The following ITPRID1 variants were observed in gnomAD, a reference collection of about 807,000 sequenced individuals.
ITPRID1 encodes protein ITPRID1.
In ITPRID1, 96 loss-of-function variants were observed where a neutral mutation model predicts 95.4. That is an observed-to-expected ratio of 1.01 (90% CI 0.85 to 1.19). The LOEUF (loss-of-function observed/expected upper bound fraction) is 1.19, where lower values mean the gene tolerates loss of function less well. Ranked by LOEUF, ITPRID1 falls within the 50% of genes most tolerant of loss-of-function variation. ITPRID1 has a pLI of 0.00. For synonymous variants in ITPRID1, 510 were observed against 453.6 expected (o/e 1.12, Z -1.58); for missense variants, 1,339 against 1,252.9 (o/e 1.07, Z -1.04).
At chr7:31,651,767 GTTTT>G (rs138035443) in intron 13 of ITPRID1, among the ~76,000 whole-genome samples, 168 bp from the exon 14 acceptor site, 3 of 147,762 alleles carry the variant, frequency 2.0e-5, no homozygotes, top group African/African-American at 7.4e-5. Flanking sequence ...CAATAAAGTT[GTTTT>G]TTTTTTTTAA....
chr7:31,657,679 CT>C (rs1002114429), downstream of ITPRID1, among the ~76,000 whole-genome samples: 7 of 151,016 alleles, frequency 4.6e-5, no homozygotes, highest in South Asian at 2.1e-4. Flanking sequence ...TCCTGTATTC[CT>C]TTTTTTTTGT....
intron 1 of ITPRID1, chr7:31,517,920 T>C (rs776753251): frequency 6.6e-6 from 1 of 152,304 alleles, no homozygotes; most frequent in Non-Finnish European, 1.5e-5. Context: ...GGGAGAAAGA[T>C]GGGTGTATGG....
chr7:31,658,584 A>T (rs1289199474), downstream of ITPRID1: 3 of 351,990 alleles, frequency 8.5e-6, no homozygotes, highest in African/African-American at 4.2e-5. Flanking sequence ...CAAATTGTTC[A>T]TGATGTGCGA....
chr7:31,640,111 G>A (rs1432214137), intron 10 of ITPRID1, among the ~76,000 whole-genome samples: 1 of 152,106 alleles, frequency 6.6e-6, no homozygotes, highest in African/African-American at 2.4e-5. Flanking sequence ...TTGCTTTTAA[G>A]GCTCATTAGG....
chr7:31,591,643 C>G (rs1363737626), intron 10 of ITPRID1, among the ~76,000 whole-genome samples: 1 of 152,106 alleles, frequency 6.6e-6, no homozygotes, highest in Non-Finnish European at 1.5e-5. Context: ...AAAGTATGAG[C>G]AAGTTTTAGT....
intron 10 of ITPRID1, among the ~76,000 whole-genome samples, chr7:31,630,260 A>AC (rs1788875353): frequency 6.6e-6 from 1 of 151,636 alleles, no homozygotes. Context: ...AAAAAAAAAA[A>AC]AACATTGAAA....
intron 1 of ITPRID1, among the ~76,000 whole-genome samples, chr7:31,541,057 C>T (rs962332094): frequency 3.3e-5 from 5 of 152,152 alleles, no homozygotes; most frequent in African/African-American, 1.2e-4. Flanking sequence ...TAAGAATACT[C>T]ACAGATAGTT....
chr7:31,521,219 T>C (rs560874210), intron 1 of ITPRID1, among the ~76,000 whole-genome samples: 2 of 152,228 alleles, frequency 1.3e-5, no homozygotes, highest in South Asian at 4.1e-4. Flanking sequence ...GCTATAACTT[T>C]CCCTCCAAAC....
chr7:31,631,430 A>G (rs1323703006), intron 10 of ITPRID1, among the ~76,000 whole-genome samples: 3 of 152,232 alleles, frequency 2.0e-5, no homozygotes, highest in Non-Finnish European at 4.4e-5. Flanking sequence ...TGCCCTAAAT[A>G]CATAGAAAGA....
rs1791176104 is a variant in ITPRID1, at chr7:31,654,140, G to A, written c.*1311G>A. On this transcript the variant is annotated 3_prime_UTR_variant, in exon 15 of 15. Coordinates refer to ENST00000615280, the MANE Select transcript of ITPRID1 (RefSeq NM_001257967.3). ...ACAGTGTGATAATGTTGCAAAGGGAGATGTGGAGTAAAACTGTACTGCATT... is the reference window on the plus strand; with the variant it reads ...ACAGTGTGATAATGTTGCAAAGGGAAATGTGGAGTAAAACTGTACTGCATT... 6.6e-6 allele frequency among the ~76,000 whole-genome samples: 1 copy of A among 152,012 alleles called. No individual in the cohort carries two copies. Among genetic ancestry groups the A allele is most frequent in the African/African-American group, 2.4e-5 (1 of 41,392 alleles).
chr7:31,591,629 C>T (rs2128154637), intron 10 of ITPRID1, among the ~76,000 whole-genome samples: 1 of 152,228 alleles, frequency 6.6e-6, no homozygotes, highest in Non-Finnish European at 1.5e-5. Flanking sequence ...GAGTGGTGTT[C>T]TTGAAAGTAT....
chr7:31,639,933 A>G (rs1418095743), intron 10 of ITPRID1, among the ~76,000 whole-genome samples: 1 of 152,168 alleles, frequency 6.6e-6, no homozygotes, highest in African/African-American at 2.4e-5. Flanking sequence ...TTTTCTCCTC[A>G]TAATGGATCA....
intron 10 of ITPRID1, among the ~76,000 whole-genome samples, chr7:31,607,727 A>C (rs1786685786): frequency 1.5e-5 from 1 of 67,578 alleles, no homozygotes; most frequent in African/African-American, 5.0e-5. Flanking sequence ...TTTTAAGCAC[A>C]AATTTTCTTT....
intron 10 of ITPRID1, among the ~76,000 whole-genome samples, chr7:31,627,722 A>G (rs1268388162): frequency 6.6e-6 from 1 of 151,750 alleles, no homozygotes; most frequent in Middle Eastern, 3.2e-3. Context: ...ACTAAACTTG[A>G]CAGAATGGAA....
At position 31,610,262 on chromosome 7, in the gene ITPRID1, A is replaced by AT. The variant is rs533737209; in HGVS notation, c.1228+27078dup. 4.8e-3 allele frequency among the ~76,000 whole-genome samples: 726 copies of AT among 151,594 alleles called. 7 individuals carry two copies. The highest frequency in any genetic ancestry group is 0.017 in the African/African-American group (695 of 41,518). On this transcript the variant is annotated intron_variant, in intron 10 of 14. Transcript: ENST00000615280. ...TGTAAGTATTCTTCTCATAGATATT[A>AT]TTTTTTTAGGTGGTGTCTTTTACAG...
At chr7:31,543,899 A>G (rs1033436323) in intron 1 of ITPRID1, among the ~76,000 whole-genome samples, 3 of 152,030 alleles carry the variant, frequency 2.0e-5, no homozygotes, top group Admixed American at 2.0e-4. Context: ...ATAGTTTTGC[A>G]TTGTACATTT....
chr7:31,549,456 C>T lies in ITPRID1; in HGVS notation c.-67C>T, dbSNP rs543816671. On this transcript the variant is annotated 5_prime_UTR_variant, in exon 2 of 15. Transcript: ENST00000615280. ...GACAGGATAAGGACAAGAAGCAACACACAGAAGAGAAGGAAAAAGAAAGAA... is the reference window on the plus strand; with the variant it reads ...GACAGGATAAGGACAAGAAGCAACATACAGAAGAGAAGGAAAAAGAAAGAA... 6 of 1,518,454 alleles carry T rather than the reference C, an allele frequency of 4.0e-6. No individual in the cohort carries two copies. In the African/African-American group the frequency reaches 8.3e-5, roughly 21 times the overall value. 94.1% of individuals were successfully genotyped at this position (1,518,454 alleles called of 1,614,324 possible).
chr7:31,534,416 C>T (rs1400349535), intron 1 of ITPRID1, among the ~76,000 whole-genome samples: 2 of 152,114 alleles, frequency 1.3e-5, no homozygotes, highest in African/African-American at 4.8e-5. Context: ...TTTAGTCTTG[C>T]CAGTATTTGC....
intron 7 of ITPRID1, among the ~76,000 whole-genome samples, chr7:31,572,740 TTAAG>T (rs1785035485): frequency 1.3e-5 from 2 of 152,196 alleles, no homozygotes. Flanking sequence ...TCTTCCACCA[TTAAG>T]TATTACTTAA....
Sources: allele counts gnomAD v4.1 joint callset (sites outside exome capture counted in the v4.1 genomes callset), GRCh38; gene constraint gnomAD v4.1.1; transcripts MANE v1.5; gene names NCBI Gene and HGNC (gene_info 2026-07-23, HGNC 2026-07-21).